SPON1: variants seen among roughly 807,000 people sequenced by gnomAD.
The protein encoded by SPON1 is spondin-1.
Under a neutral mutation model 111.7 loss-of-function variants are expected in SPON1, and 52 were observed. The ratio of observed to expected loss-of-function variants is 0.47; its 90% confidence interval spans 0.37 to 0.59. SPON1 has a LOEUF of 0.59. Ranked by LOEUF, SPON1 falls within the 20% of genes least tolerant of loss-of-function variation. The pLI is 0.00. For missense variants in SPON1, 957 were observed against 1,068.5 expected (o/e 0.90, Z 1.46); for synonymous variants, 410 against 395.8 (o/e 1.04, Z -0.43).
At chr11:14,219,780 A>G (rs1285521085) in intron 6 of SPON1, among the ~76,000 whole-genome samples, 1 of 152,176 alleles carries the variant, frequency 6.6e-6, no homozygotes, top group Non-Finnish European at 1.5e-5. Context: ...TTTGACTTAG[A>G]TAGCTCCATG....
intron 2 of SPON1, among the ~76,000 whole-genome samples, chr11:14,021,934 C>G (rs1848484064): frequency 6.6e-6 from 1 of 152,204 alleles, no homozygotes; most frequent in African/African-American, 2.4e-5. Flanking sequence ...ATGTAATTAA[C>G]TCACCCACAT....
chr11:14,183,306 C>A (rs1348723706), intron 6 of SPON1, among the ~76,000 whole-genome samples: 3 of 152,124 alleles, frequency 2.0e-5, no homozygotes, highest in African/African-American at 4.8e-5. Context: ...GTGTTCCTTG[C>A]AGAAGAAGCC....
intron 2 of SPON1, among the ~76,000 whole-genome samples, chr11:14,004,086 A>C (rs1404754694): frequency 1.3e-5 from 2 of 152,022 alleles, no homozygotes; most frequent in African/African-American, 4.8e-5. Flanking sequence ...TTCCAGGTCC[A>C]TCTTTGTTGT....
chr11:14,231,810 A>G (rs1848806697), intron 6 of SPON1, among the ~76,000 whole-genome samples: 1 of 152,176 alleles, frequency 6.6e-6, no homozygotes, highest in African/African-American at 2.4e-5. Flanking sequence ...ATGTCTAAAA[A>G]AAAAAGATTC....
intron 2 of SPON1, among the ~76,000 whole-genome samples, chr11:14,032,270 C>T (rs1848564529): frequency 6.6e-6 from 1 of 152,106 alleles, no homozygotes; most frequent in Non-Finnish European, 1.5e-5. Context: ...ATATTAATAA[C>T]TATCTTGGGG....
In SPON1 at chr11:14,254,580, T is replaced by A; in HGVS notation, c.943T>A (p.Ser315Thr). The change falls in exon 8 of 16, where the codon TCC (serine) becomes ACC (threonine). Residue 315 changes from serine (S) to threonine (T), a missense_variant. Physicochemically the swap from Ser to Thr is moderately conservative, Grantham distance 58. Around this residue, in one of 5 missense-constraint regions of SPON1, gnomAD observed 122 missense variants for 143.2 expected, o/e 0.85. Transcript: ENST00000576479. ...CGTGGACAGAACGCGCCATTTAATGTCCTTCCTGACCATGATGGGCCCTAG... is the reference window on the plus strand; with the variant it reads ...CGTGGACAGAACGCGCCATTTAATGACCTTCCTGACCATGATGGGCCCTAG... ...FSVDRTRHLMSFLTMMGPSPD... is the reference protein window; with the variant it reads ...FSVDRTRHLMTFLTMMGPSPD... 6.2e-7 allele frequency: 1 copy of A among 1,613,540 alleles called. No homozygotes were observed. Among genetic ancestry groups the A allele is most frequent in the Non-Finnish European group, 8.5e-7 (1 of 1,179,724 alleles).
chr11:13,963,515 A>G (rs1459546734), intron 1 of SPON1, among the ~76,000 whole-genome samples: 3 of 152,038 alleles, frequency 2.0e-5, no homozygotes, highest in Non-Finnish European at 2.9e-5. Flanking sequence ...TCTGGAGGGG[A>G]CCCAGGCTTC....
intron 6 of SPON1, among the ~76,000 whole-genome samples, chr11:14,189,346 A>G (rs1017306024): frequency 2.0e-5 from 3 of 152,178 alleles, no homozygotes; most frequent in African/African-American, 7.2e-5. Context: ...CTGATGTCCA[A>G]CCCCACTCTT....
intron 7 of SPON1, among the ~76,000 whole-genome samples, chr11:14,249,666 G>C (rs1191588460): frequency 6.6e-6 from 1 of 151,484 alleles, no homozygotes; most frequent in African/African-American, 2.4e-5. Flanking sequence ...AATTTAGGAG[G>C]GGATGGTAAG....
intron 2 of SPON1, among the ~76,000 whole-genome samples, chr11:13,991,647 A>G (rs1848231388): frequency 1.3e-5 from 2 of 152,186 alleles, no homozygotes; most frequent in Admixed American, 1.3e-4. Context: ...CCTTTGTAGG[A>G]TAAGCGGCAT....
intron 6 of SPON1, among the ~76,000 whole-genome samples, chr11:14,171,029 C>A (rs1189181295): frequency 3.3e-5 from 5 of 152,162 alleles, no homozygotes; most frequent in Admixed American, 6.5e-5. Context: ...AGGGAGGATT[C>A]CCTCTTTTTC....
chr11:14,256,787 GT>G lies in SPON1; in HGVS notation c.1309+96del, dbSNP rs1849113967. 4 of 941,602 alleles carry G rather than the reference GT, an allele frequency of 4.2e-6. No homozygotes were observed. The South Asian group carries it at 6.0e-5, about 14-fold the overall frequency. The allele number at this position is 941,602 out of a possible 1,614,324, so 58.3% of individuals were successfully genotyped here. A position where few individuals can be genotyped will look rare whatever the true frequency, so the allele number is the denominator to read the frequency against. Reference sequence around the variant, plus strand: ...ACCTGTTTTAAGAACCATAAACCATGTGCTTTGACTTGGTAATCATATCTCT... The same window carrying G: ...ACCTGTTTTAAGAACCATAAACCATGGCTTTGACTTGGTAATCATATCTCT... On this transcript the variant is annotated intron_variant, in intron 10 of 15. Coordinates refer to ENST00000576479, the MANE Select transcript of SPON1 (RefSeq NM_006108.4).
chr11:14,041,210 A>G (rs558317189), intron 2 of SPON1, among the ~76,000 whole-genome samples: 1 of 152,282 alleles, frequency 6.6e-6, no homozygotes, highest in African/African-American at 2.4e-5. Flanking sequence ...TTCTTCCCCA[A>G]AGTGGGACAC....
chr11:14,112,298 G>C (rs1193065582), intron 5 of SPON1, among the ~76,000 whole-genome samples: 4 of 152,280 alleles, frequency 2.6e-5, no homozygotes, highest in African/African-American at 7.2e-5. Context: ...CTAAACCAGT[G>C]AGTCTCCTTA....
chr11:14,175,209 G>T (rs1554932966), intron 6 of SPON1, among the ~76,000 whole-genome samples: 1 of 152,204 alleles, frequency 6.6e-6, no homozygotes, highest in Non-Finnish European at 1.5e-5. Context: ...CCCAGAAGGA[G>T]CCTAGAGAAG....
chr11:14,051,114 G>A lies in SPON1; in HGVS notation c.479+9460G>A, dbSNP rs1350865615. Among the ~76,000 whole-genome samples, 3 of 152,158 alleles carry A rather than the reference G, an allele frequency of 2.0e-5. 1 individual carries two copies. Among genetic ancestry groups the A allele is most frequent in the South Asian group, 4.1e-4 (2 of 4,824 alleles). ...TTGCCTATTATGGTCTGAATATTTT[G>A]TGTCCACCCCAAAATCCATTTGTTG... On this transcript the variant is annotated intron_variant, in intron 3 of 15. Transcript: ENST00000576479.
intron 3 of SPON1, among the ~76,000 whole-genome samples, chr11:14,047,187 T>C (rs1315058608): frequency 6.6e-6 from 1 of 152,218 alleles, no homozygotes; most frequent in African/African-American, 2.4e-5. Flanking sequence ...TTTTACTTTA[T>C]TATCTAGCAC....
At chr11:14,126,953 T>A (rs541290706) in intron 5 of SPON1, among the ~76,000 whole-genome samples, 23 of 152,250 alleles carry the variant, frequency 1.5e-4, no homozygotes, top group Admixed American at 1.4e-3. Flanking sequence ...ATTCCTTGAC[T>A]CCTTTTTTCA....
At chr11:14,218,980 G>A (rs1435896199) in intron 6 of SPON1, among the ~76,000 whole-genome samples, 1 of 152,190 alleles carries the variant, frequency 6.6e-6, no homozygotes, top group African/African-American at 2.4e-5. Flanking sequence ...GGATAGATGG[G>A]AATGGAGCAC....
Sources: allele counts gnomAD v4.1 joint callset (sites outside exome capture counted in the v4.1 genomes callset), GRCh38; gene constraint gnomAD v4.1.1; regional missense constraint gnomAD v4.1.1; transcripts MANE v1.5; gene names NCBI Gene and HGNC (gene_info 2026-07-23, HGNC 2026-07-21).